MAP3K1: variants seen among roughly 807,000 people sequenced by gnomAD.
The protein encoded by MAP3K1 is mitogen-activated protein kinase kinase kinase 1.
In MAP3K1, 36 loss-of-function variants were observed where a neutral mutation model predicts 144.2. That is an observed-to-expected ratio of 0.25 (90% CI 0.19 to 0.33). The LOEUF (loss-of-function observed/expected upper bound fraction) is 0.33. MAP3K1 is among the 10% of genes least tolerant of loss of function. The probability of loss-of-function intolerance (pLI) is 1.00; values close to 1 mark genes in which losing one functional copy is unlikely to be tolerated. For missense variants in MAP3K1, 1,650 were observed against 1,881.9 expected (o/e 0.88, Z 2.28); for synonymous variants, 718 against 688.7 (o/e 1.04, Z -0.67).
intron 1 of MAP3K1, among the ~76,000 whole-genome samples, chr5:56,838,950 T>C (rs1440391510): frequency 6.6e-6 from 1 of 152,184 alleles, no homozygotes; most frequent in Non-Finnish European, 1.5e-5. Flanking sequence ...AAATGAACTA[T>C]TCCAAAAAAT....
rs1748368124 is a variant in MAP3K1 at position 56,886,021 on chromosome 5, T to G, written c.4072T>G (p.Ser1358Ala). 1 of 1,612,722 alleles carries G rather than the reference T, an allele frequency of 6.2e-7. No homozygotes were observed. Among genetic ancestry groups the G allele is most frequent in the Non-Finnish European group, 8.5e-7 (1 of 1,178,878 alleles). ...CACTGAACAGTTACTCCGTGGCCTT[T>G]CGTATCTCCATGAAAACCAAATCAT... ...NYTEQLLRGL[S>A]YLHENQIIHR... Residue 1358 changes from serine (S) to alanine (A), a missense_variant, in exon 17 of 20, where the codon TCG (serine) becomes GCG (alanine). Physicochemically the swap from Ser to Ala is moderately conservative, Grantham distance 99. Coordinates refer to ENST00000399503, the MANE Select transcript of MAP3K1 (RefSeq NM_005921.2).
intron 1 of MAP3K1, among the ~76,000 whole-genome samples, chr5:56,844,458 T>C (rs374086473): frequency 2.5e-4 from 38 of 152,126 alleles, no homozygotes; most frequent in Admixed American, 3.9e-4. Context: ...GGATTACAGG[T>C]GTGAGCCACC....
intron 16 of MAP3K1, 146 bp from the exon 17 acceptor site, chr5:56,885,786 T>C: frequency 1.5e-6 from 1 of 679,786 alleles, no homozygotes; most frequent in Non-Finnish European, 2.5e-6. Flanking sequence ...TTTGAGATGA[T>C]ACAGGAATAT....
chr5:56,840,053 A>G (rs1746766472), intron 1 of MAP3K1, among the ~76,000 whole-genome samples: 1 of 152,252 alleles, frequency 6.6e-6, no homozygotes, highest in Non-Finnish European at 1.5e-5. Flanking sequence ...CAATTGGCCT[A>G]TGGTAAAGTT....
chr5:56,827,253 GC>G (rs2111769152), intron 1 of MAP3K1, among the ~76,000 whole-genome samples: 1 of 152,258 alleles, frequency 6.6e-6, no homozygotes, highest in South Asian at 2.1e-4. Context: ...GCCTCGTATT[GC>G]CCCCACTGGC....
chr5:56,826,245 A>T (rs1389410467), intron 1 of MAP3K1, among the ~76,000 whole-genome samples: 2 of 152,188 alleles, frequency 1.3e-5, no homozygotes, highest in Non-Finnish European at 2.9e-5. Context: ...ACTAAAAAAT[A>T]AATGTGGCTT....
intron 12 of MAP3K1, 81 bp downstream of exon 12, chr5:56,880,883 T>G: frequency 8.3e-7 from 1 of 1,208,228 alleles, no homozygotes; most frequent in Non-Finnish European, 1.2e-6. Context: ...TAATCTCTCA[T>G]GAGGCAGTTT....
At chr5:56,816,659 G>A (rs1581200160) in intron 1 of MAP3K1, among the ~76,000 whole-genome samples, 3 of 152,164 alleles carry the variant, frequency 2.0e-5, no homozygotes, top group Non-Finnish European at 1.5e-5. Context: ...CAGGCGGCGC[G>A]CCCCCAGCGC....
chr5:56,840,535 CTG>C (rs1195084336), intron 1 of MAP3K1, among the ~76,000 whole-genome samples: 1 of 152,222 alleles, frequency 6.6e-6, no homozygotes, highest in African/African-American at 2.4e-5. Context: ...TTAGCAATAA[CTG>C]TGTTTTCAGA....
chr5:56,865,056 T>A, intron 4 of MAP3K1, 122 bp downstream of exon 4: 1 of 964,688 alleles, frequency 1.0e-6, no homozygotes, highest in Non-Finnish European at 1.6e-6. Context: ...AAGTTAAACT[T>A]AAAATGTATT....
At chr5:56,848,521 G>A (rs1161795442) in intron 1 of MAP3K1, among the ~76,000 whole-genome samples, 1 of 152,182 alleles carries the variant, frequency 6.6e-6, no homozygotes, top group Admixed American at 6.5e-5. Flanking sequence ...ACAAGGAAAA[G>A]GCCCTGCCCT....
At chr5:56,825,504 T>A (rs1746285924) in intron 1 of MAP3K1, among the ~76,000 whole-genome samples, 2 of 152,198 alleles carry the variant, frequency 1.3e-5, no homozygotes, top group African/African-American at 4.8e-5. Flanking sequence ...CCAGGATAGT[T>A]CCTCCAGGAG....
At chr5:56,825,016 G>A (rs1044308174) in intron 1 of MAP3K1, among the ~76,000 whole-genome samples, 1 of 147,452 alleles carries the variant, frequency 6.8e-6, no homozygotes, top group Non-Finnish European at 1.5e-5. Context: ...TTCTTTTTTT[G>A]TTGTTGTTGA....
chr5:56,883,767 GTGTGTACTTTAGTTCTTTAAACTT>G lies in MAP3K1; in HGVS notation c.3819+91_3819+114del, dbSNP rs535090044. ...AAAAGAATAAAGGATATGTCCACGT[GTGTGTACTTTAGTTCTTTAAACTT>G]TGAGAAACTTAGTTTCAAAGTAGAT... On this transcript the variant is annotated intron_variant, in intron 15 of 19. Coordinates refer to ENST00000399503, the MANE Select transcript of MAP3K1 (RefSeq NM_005921.2). The G allele has an allele frequency of 7.0e-5, 94 of 1,350,750 alleles. No individual in the cohort carries two copies. In the African/African-American group the frequency reaches 1.3e-3, roughly 19 times the overall value. The allele number at this position is 1,350,750 out of a possible 1,614,324, so 83.7% of individuals were successfully genotyped here.
chr5:56,880,066 TAGAGA>T (rs1035361479), intron 11 of MAP3K1, among the ~76,000 whole-genome samples: 18 of 152,228 alleles, frequency 1.2e-4, no homozygotes, highest in African/African-American at 4.1e-4. Flanking sequence ...CCTTGTTGCT[TAGAGA>T]AAACATTGTA....
At chr5:56,829,588 A>G (rs1187520746) in intron 1 of MAP3K1, among the ~76,000 whole-genome samples, 1 of 152,162 alleles carries the variant, frequency 6.6e-6, no homozygotes, top group Non-Finnish European at 1.5e-5. Flanking sequence ...GATTCCTGGT[A>G]GTAAAGAATG....
intron 12 of MAP3K1, 82 bp downstream of exon 12, chr5:56,880,884 G>C: frequency 8.3e-7 from 1 of 1,210,264 alleles, no homozygotes; most frequent in Non-Finnish European, 1.2e-6. Flanking sequence ...AATCTCTCAT[G>C]AGGCAGTTTA....
At chr5:56,881,453 CT>C (rs1312951378) in intron 13 of MAP3K1, 116 bp from the exon 14 acceptor site, 6 of 1,015,568 alleles carry the variant, frequency 5.9e-6, no homozygotes, top group Non-Finnish European at 8.9e-6. Flanking sequence ...TTCATAGATA[CT>C]TTATGCTGAA....
chr5:56,847,627 A>G (rs375969980), intron 1 of MAP3K1, among the ~76,000 whole-genome samples: 1 of 152,350 alleles, frequency 6.6e-6, no homozygotes, highest in East Asian at 1.9e-4. Flanking sequence ...CCTGCAAGGC[A>G]GTTTTCTCAA....
Sources: gnomAD v4.1 joint callset for allele counts (sites outside exome capture counted in the v4.1 genomes callset) on GRCh38, gnomAD v4.1.1 for gene constraint, MANE v1.5 for transcripts, NCBI Gene and HGNC (gene_info 2026-07-23, HGNC 2026-07-21) for gene names.